The following ANXA5 variants were observed in gnomAD, a reference collection of about 807,000 sequenced individuals.
ANXA5 encodes annexin A5, also known as CBP-I.
Under a neutral mutation model 48.1 loss-of-function variants are expected in ANXA5, and 40 were observed. The ratio of observed to expected loss-of-function variants is 0.83; its 90% CI spans 0.65 to 1.08. ANXA5 has a LOEUF of 1.08. ANXA5 is among the 50% of genes least tolerant of loss of function. ANXA5 has a pLI of 0.00. For synonymous variants in ANXA5, 113 were observed against 129.1 expected (o/e 0.88, Z 0.85); for missense variants, 357 against 376.8 (o/e 0.95, Z 0.44).
chr4:121,694,279 A>T (rs956547234), intron 2 of ANXA5, among the ~76,000 whole-genome samples: 1 of 101,910 alleles, frequency 9.8e-6, no homozygotes, highest in East Asian at 2.1e-4. Context: ...AAATAAATAA[A>T]AAATAAACAA....
chr4:121,672,476 T>C (rs1724628751), intron 9 of ANXA5, 57 bp downstream of exon 9: 1 of 1,214,782 alleles, frequency 8.2e-7, no homozygotes, highest in African/African-American at 1.5e-5. Context: ...TCACACTGGC[T>C]CATGCACTTT....
chr4:121,693,511 C>T lies in ANXA5; in HGVS notation c.9+3070G>A, dbSNP rs963146547. On this transcript the variant is annotated intron_variant, in intron 2 of 12. Transcript: ENST00000296511. ...TGTAAAAGCACTGTTATATTTTTACCATTTTGAACTTCTAAGTCATTAAAA... is the reference window on the plus strand; with the variant it reads ...TGTAAAAGCACTGTTATATTTTTACTATTTTGAACTTCTAAGTCATTAAAA... Among the ~76,000 whole-genome samples, 4 of 152,028 alleles carry T rather than the reference C, an allele frequency of 2.6e-5. No individual in the cohort carries two copies. In the East Asian group the frequency reaches 7.7e-4, roughly 29 times the overall value.
chr4:121,674,892 T>C (rs1662781171), intron 8 of ANXA5, among the ~76,000 whole-genome samples: 2 of 152,192 alleles, frequency 1.3e-5, no homozygotes, highest in Non-Finnish European at 2.9e-5. Flanking sequence ...GTGCAAAGGA[T>C]GAGTCTTTGG....
intron 6 of ANXA5, chr4:121,681,408 C>A (rs971381540): frequency 3.1e-6 from 1 of 320,916 alleles, no homozygotes; most frequent in African/African-American, 2.1e-5. Flanking sequence ...TATATCCCTA[C>A]ACTAATTGCA....
rs924073826 is a variant in ANXA5 at position 121,678,250 on chromosome 4, T to C, written c.474+165A>G. 6 of 640,700 alleles carry C rather than the reference T, an allele frequency of 9.4e-6. No homozygotes were observed. The African/African-American group carries it at 1.1e-4, about 12-fold the overall frequency. 39.7% of individuals were successfully genotyped at this position (640,700 alleles called of 1,614,324 possible). ...TGTTAAGAATTTAGACCAGATATTCTGAAACACAAACAAGCACAGGCAACA... is the reference window on the plus strand; with the variant it reads ...TGTTAAGAATTTAGACCAGATATTCCGAAACACAAACAAGCACAGGCAACA... On this transcript the variant is annotated intron_variant, in intron 7 of 12. Transcript: ENST00000296511.
intron 9 of ANXA5, among the ~76,000 whole-genome samples, chr4:121,671,885 G>A (rs1018022823): frequency 3.5e-4 from 54 of 152,148 alleles, no homozygotes; most frequent in African/African-American, 1.2e-3. Context: ...TAAATCTACT[G>A]GAGGGGATGC....
At position 121,668,366 on chromosome 4, in the gene ANXA5, A is replaced by G. The variant is rs1445266763; in HGVS notation, c.*102T>C. 2.0e-6 allele frequency: 2 copies of G among 984,032 alleles called. No individual in the cohort carries two copies. The highest frequency in any genetic ancestry group is 3.2e-5 in the African/African-American group (2 of 62,438). 61.0% of individuals were successfully genotyped at this position (984,032 alleles called of 1,614,324 possible). A position where few individuals can be genotyped will look rare whatever the true frequency, so the allele number is the denominator to read the frequency against. On this transcript the variant is annotated 3_prime_UTR_variant, in exon 13 of 13. Transcript: ENST00000296511. ...GGTCATGAGCATGCTAGTATGAATA[A>G]GGCAATGTGTTAAGCACTGGCATAC...
chr4:121,680,325 T>C (rs1724769517), intron 6 of ANXA5, among the ~76,000 whole-genome samples: 1 of 152,108 alleles, frequency 6.6e-6, no homozygotes, highest in African/African-American at 2.4e-5. Flanking sequence ...AATGGACACT[T>C]TGTAAACCCA....
intron 8 of ANXA5, among the ~76,000 whole-genome samples, chr4:121,676,777 G>A (rs1250769214): frequency 6.6e-6 from 1 of 152,062 alleles, no homozygotes; most frequent in African/African-American, 2.4e-5. Context: ...AGCGGGGTGG[G>A]AGGGGCAAGA....
intron 5 of ANXA5, among the ~76,000 whole-genome samples, chr4:121,682,317 T>C (rs1724807528): frequency 6.6e-6 from 1 of 152,182 alleles, no homozygotes; most frequent in African/African-American, 2.4e-5. Context: ...TGGGACTTGC[T>C]TTCTGGATTT....
chr4:121,672,650 A>T (rs1444118779), intron 8 of ANXA5, 24 bp from the exon 9 acceptor site: 1 of 1,559,016 alleles, frequency 6.4e-7, no homozygotes, highest in African/African-American at 1.4e-5. Context: ...AAACTCAATT[A>T]ATAAATTGTT....
intron 12 of ANXA5, 93 bp from the exon 13 acceptor site, chr4:121,668,620 G>T: frequency 9.5e-7 from 1 of 1,047,788 alleles, no homozygotes. Context: ...TTATTCATAA[G>T]ACTCTTCTCC....
At chr4:121,674,450 T>C (rs1372674757) in intron 8 of ANXA5, among the ~76,000 whole-genome samples, 3 of 152,172 alleles carry the variant, frequency 2.0e-5, no homozygotes, top group Non-Finnish European at 4.4e-5. Context: ...AGATAAAATA[T>C]ACAAATACAT....
intron 2 of ANXA5, among the ~76,000 whole-genome samples, chr4:121,694,960 A>T (rs1045758537): frequency 6.6e-6 from 1 of 152,212 alleles, no homozygotes; most frequent in Non-Finnish European, 1.5e-5. Context: ...ATTAATGTCC[A>T]CAACTGGAAA....
At chr4:121,673,635 CAT>C (rs1318063820) in intron 8 of ANXA5, among the ~76,000 whole-genome samples, 2 of 152,036 alleles carry the variant, frequency 1.3e-5, no homozygotes, top group East Asian at 3.9e-4. Flanking sequence ...AAATGAGACT[CAT>C]GTATCTTTAT....
intron 8 of ANXA5, among the ~76,000 whole-genome samples, chr4:121,676,463 G>A (rs981965486): frequency 1.6e-4 from 24 of 152,146 alleles, no homozygotes; most frequent in African/African-American, 5.8e-4. Context: ...CTATTCAGTG[G>A]AAGCCATGGG....
intron 3 of ANXA5, among the ~76,000 whole-genome samples, chr4:121,685,163 G>A (rs571588197): frequency 5.3e-5 from 8 of 151,516 alleles, no homozygotes; most frequent in African/African-American, 9.7e-5. Flanking sequence ...AAAATGTTAC[G>A]TTTCCAATAT....
chr4:121,694,289 A>T (rs1020455050), intron 2 of ANXA5, among the ~76,000 whole-genome samples: 2 of 151,556 alleles, frequency 1.3e-5, no homozygotes, highest in Non-Finnish European at 2.9e-5. Context: ...AAAATAAACA[A>T]AAAAATTCTG....
rs1724555515 is a variant in ANXA5, at chr4:121,668,410, T to C, written c.*58A>G. 1 of 1,508,084 alleles carries C rather than the reference T, an allele frequency of 6.6e-7. No individual in the cohort carries two copies. The allele number at this position is 1,508,084 out of a possible 1,614,324, so 93.4% of individuals were successfully genotyped here. A position where few individuals can be genotyped will look rare whatever the true frequency, so the allele number is the denominator to read the frequency against. ...GGCATACAAATGCAGCTAAAGGTGC[T>C]GAAGGAAGGCAGTGGGGTGGTGCAG... On this transcript the variant is annotated 3_prime_UTR_variant, in exon 13 of 13. Coordinates refer to ENST00000296511, the MANE Select transcript of ANXA5 (RefSeq NM_001154.4).
Sources: allele counts gnomAD v4.1 joint callset (sites outside exome capture counted in the v4.1 genomes callset), GRCh38; gene constraint gnomAD v4.1.1; transcripts MANE v1.5; gene names NCBI Gene and HGNC (gene_info 2026-07-23, HGNC 2026-07-21).